ASXL2: variants seen among roughly 807,000 people sequenced by gnomAD.
The protein encoded by ASXL2 is ASXL transcriptional regulator 2.
ASXL2 carries 23 observed loss-of-function variants against 122.0 expected under a neutral mutation model. That is an observed-to-expected ratio of 0.19 (90% confidence interval 0.14 to 0.27). The LOEUF (loss-of-function observed/expected upper bound fraction) is 0.27. Among genes scored for constraint, ASXL2 ranks in the 10% least tolerant of loss-of-function variants. The pLI is 1.00. For missense variants in ASXL2, 1,518 were observed against 1,713.8 expected (o/e 0.89, Z 2.02); for synonymous variants, 650 against 637.0 (o/e 1.02, Z -0.31).
chr2:25,816,304 A>T (rs2089233400), intron 3 of ASXL2, among the ~76,000 whole-genome samples: 1 of 152,202 alleles, frequency 6.6e-6, no homozygotes, highest in African/African-American at 2.4e-5. Context: ...GAATCAAACC[A>T]GGTTCCAGGC....
intron 2 of ASXL2, among the ~76,000 whole-genome samples, chr2:25,836,405 AT>A (rs911496351): frequency 6.6e-6 from 1 of 152,164 alleles, no homozygotes; most frequent in African/African-American, 2.4e-5. Flanking sequence ...CTCTGCAGGG[AT>A]AAGGATTTCT....
chr2:25,766,242 A>G (rs967188113), intron 8 of ASXL2, among the ~76,000 whole-genome samples: 1 of 151,246 alleles, frequency 6.6e-6, no homozygotes, highest in African/African-American at 2.4e-5. Context: ...CGAGATCTTT[A>G]AAAAAAAACA....
intron 1 of ASXL2, among the ~76,000 whole-genome samples, chr2:25,866,277 C>A (rs1272748411): frequency 6.6e-6 from 1 of 151,868 alleles, no homozygotes; most frequent in Non-Finnish European, 1.5e-5. Flanking sequence ...ACTACGGGTG[C>A]ATGCCACCAC....
intron 9 of ASXL2, among the ~76,000 whole-genome samples, chr2:25,758,669 T>C (rs959085992): frequency 2.0e-5 from 3 of 147,578 alleles, no homozygotes; most frequent in Non-Finnish European, 3.0e-5. Flanking sequence ...GCATTTCTTT[T>C]TGCTACTTTT....
At position 25,798,142 on chromosome 2, in the gene ASXL2, G is replaced by A. The variant is rs181125944; in HGVS notation, c.403+1243C>T. Among the ~76,000 whole-genome samples the A allele has an allele frequency of 1.1e-4, 17 of 152,304 alleles. No individual in the cohort carries two copies. In the East Asian group the frequency reaches 1.2e-3, roughly 10 times the overall value. ...ATGATGAGAATACATGACACACAGAGGGGAACAACACACACTGGGGCCTTT... is the reference window on the plus strand; with the variant it reads ...ATGATGAGAATACATGACACACAGAAGGGAACAACACACACTGGGGCCTTT... On this transcript the variant is annotated intron_variant, in intron 5 of 12. Transcript: ENST00000435504.
intron 9 of ASXL2, among the ~76,000 whole-genome samples, chr2:25,756,986 C>A (rs1243770036): frequency 6.6e-6 from 1 of 152,176 alleles, no homozygotes; most frequent in Non-Finnish European, 1.5e-5. Flanking sequence ...CCAATCTATT[C>A]TGCAGTTTAA....
intron 9 of ASXL2, among the ~76,000 whole-genome samples, chr2:25,757,071 T>C (rs1177889294): frequency 6.6e-6 from 1 of 152,182 alleles, no homozygotes; most frequent in Non-Finnish European, 1.5e-5. Flanking sequence ...TTCCATATCA[T>C]GGGCCTTCTA....
intron 5 of ASXL2, among the ~76,000 whole-genome samples, chr2:25,787,707 G>T (rs1202784450): frequency 6.6e-6 from 1 of 152,176 alleles, no homozygotes; most frequent in African/African-American, 2.4e-5. Context: ...GCAAAGACCT[G>T]TAAGACAGAA....
At chr2:25,792,297 CT>C (rs1242126679) in intron 5 of ASXL2, among the ~76,000 whole-genome samples, 1 of 152,190 alleles carries the variant, frequency 6.6e-6, no homozygotes, top group Non-Finnish European at 1.5e-5. Flanking sequence ...CCACCACAGC[CT>C]GCCTAACAAG....
At chr2:25,843,971 T>A (rs1457005091) in intron 2 of ASXL2, among the ~76,000 whole-genome samples, 1 of 152,132 alleles carries the variant, frequency 6.6e-6, no homozygotes, top group Admixed American at 6.5e-5. Flanking sequence ...GCACCTGAGA[T>A]GAAAAACTAT....
intron 11 of ASXL2, 146 bp from the exon 12 acceptor site, chr2:25,750,559 A>C: frequency 1.3e-6 from 1 of 744,456 alleles, no homozygotes; most frequent in Non-Finnish European, 2.1e-6. Context: ...TATTAGTAGT[A>C]GTGAAAGTTC....
intron 3 of ASXL2, among the ~76,000 whole-genome samples, chr2:25,827,086 C>A (rs1248678176): frequency 6.6e-6 from 1 of 151,204 alleles, no homozygotes; most frequent in Non-Finnish European, 1.5e-5. Flanking sequence ...GATCCTCCCG[C>A]TTCACCACCC....
At chr2:25,871,627 T>C (rs762020277) in intron 1 of ASXL2, among the ~76,000 whole-genome samples, 1 of 152,230 alleles carries the variant, frequency 6.6e-6, no homozygotes, top group Non-Finnish European at 1.5e-5. Flanking sequence ...GTTTCACTCT[T>C]GTTGCCCAGG....
chr2:25,767,017 A>G (rs2088365562), intron 8 of ASXL2, among the ~76,000 whole-genome samples: 1 of 152,058 alleles, frequency 6.6e-6, no homozygotes, highest in Admixed American at 6.6e-5. Context: ...GAAAAATTCT[A>G]TCCAGTTTTC....
chr2:25,742,339 A>C lies in ASXL2; in HGVS notation c.3998T>G (p.Val1333Gly). The C allele has an allele frequency of 1.2e-6, 2 of 1,609,752 alleles. No homozygotes were observed. The highest frequency in any genetic ancestry group is 1.7e-6 in the Non-Finnish European group (2 of 1,178,646). Residue 1333 changes from valine to glycine, a missense_variant, in exon 13 of 13, where the codon GTC becomes GGC. Physicochemically the swap from Val to Gly is moderately radical, Grantham distance 109. Around this residue, in one of 8 missense-constraint regions of ASXL2, gnomAD observed 831 missense variants for 833.1 expected, o/e 1.00. Transcript: ENST00000435504. ...IGPSYRGMIN[V>G]STSSDMDHNS... is the part of the protein sequence containing the mutation. ...ATGGTCCATGTCAGATGAGGTGGAGACATTGATCATGCCTCTATAGCTTGG... is the reference window on the plus strand; with the variant it reads ...ATGGTCCATGTCAGATGAGGTGGAGCCATTGATCATGCCTCTATAGCTTGG...
intron 5 of ASXL2, among the ~76,000 whole-genome samples, chr2:25,774,362 A>G (rs532178100): frequency 1.3e-5 from 2 of 152,312 alleles, no homozygotes; most frequent in East Asian, 3.9e-4. Flanking sequence ...GGATATTTTA[A>G]GCCCACAGCT....
chr2:25,762,649 AGC>A lies in ASXL2; in HGVS notation c.776-3006_776-3005del, dbSNP rs1214584298. ...CACTGTACTCCAGCCTGGGTGACAGAGCGAGACTCTTTCTCGAAAAAAAAAAA... is the reference window on the plus strand; with the variant it reads ...CACTGTACTCCAGCCTGGGTGACAGAGAGACTCTTTCTCGAAAAAAAAAAA... On this transcript the variant is annotated intron_variant, in intron 8 of 12. Coordinates refer to ENST00000435504, the MANE Select transcript of ASXL2 (RefSeq NM_018263.6). 9.2e-5 allele frequency among the ~76,000 whole-genome samples: 12 copies of A among 130,864 alleles called. No homozygotes were observed. The East Asian group carries it at 2.8e-3, about 31-fold the overall frequency. 85.9% of individuals were successfully genotyped at this position (130,864 alleles called of 152,430 possible).
chr2:25,779,492 T>C lies in ASXL2; in HGVS notation c.404-7952A>G, dbSNP rs147680303. Among the ~76,000 whole-genome samples, 292 of 152,286 alleles carry C rather than the reference T, an allele frequency of 1.9e-3. 4 individuals carry two copies. The highest frequency in any genetic ancestry group is 0.017 in the East Asian group (86 of 5,190). ...TTGATTTGCTTAGTACTATATAGTT[T>C]CAAAGAAACCATACCAATATAATTA... is the stretch of plus-strand genomic sequence containing the variant. On this transcript the variant is annotated intron_variant, in intron 5 of 12. Coordinates refer to ENST00000435504, the MANE Select transcript of ASXL2 (RefSeq NM_018263.6).
chr2:25,788,227 T>C (rs1359319157), intron 5 of ASXL2, among the ~76,000 whole-genome samples: 2 of 152,200 alleles, frequency 1.3e-5, no homozygotes, highest in Non-Finnish European at 2.9e-5. Flanking sequence ...ACATGGTTTA[T>C]AGATCTAAAT....
Sources: gnomAD v4.1 joint callset for allele counts (sites outside exome capture counted in the v4.1 genomes callset) on GRCh38, gnomAD v4.1.1 for gene constraint, gnomAD v4.1.1 regional missense constraint, MANE v1.5 for transcripts, NCBI Gene and HGNC (gene_info 2026-07-23, HGNC 2026-07-21) for gene names.